AS3MT: variants seen among roughly 807,000 people sequenced by gnomAD.
AS3MT encodes arsenite methyltransferase.
Under a neutral mutation model 45.3 loss-of-function variants are expected in AS3MT, and 47 were observed. That is an observed-to-expected ratio of 1.04 (90% CI 0.82 to 1.32). The LOEUF (loss-of-function observed/expected upper bound fraction) is 1.32. Ranked by LOEUF, AS3MT falls within the 40% of genes most tolerant of loss-of-function variation. AS3MT has a pLI of 0.00. For synonymous variants in AS3MT, 141 were observed against 152.8 expected (o/e 0.92, Z 0.57); for missense variants, 396 against 451.1 (o/e 0.88, Z 1.11).
At chr10:102,897,655 G>A (rs906457593) in intron 10 of AS3MT, among the ~76,000 whole-genome samples, 6 of 151,974 alleles carry the variant, frequency 3.9e-5, no homozygotes, top group Admixed American at 2.0e-4. Flanking sequence ...TAATAGAGAC[G>A]GGGTTTCACC....
chr10:102,893,487 T>C (rs1204829223), intron 10 of AS3MT, among the ~76,000 whole-genome samples: 1 of 147,124 alleles, frequency 6.8e-6, no homozygotes, highest in Non-Finnish European at 1.5e-5. Context: ...CCTGGCTAAT[T>C]TTTTTTTCTT....
At chr10:102,895,383 T>C (rs1845147319) in intron 10 of AS3MT, among the ~76,000 whole-genome samples, 1 of 151,934 alleles carries the variant, frequency 6.6e-6, no homozygotes, top group Non-Finnish European at 1.5e-5. Context: ...GTATTTTTAG[T>C]AGAGGCGGGG....
In AS3MT at chr10:102,900,641, A is replaced by G. The variant is rs1347705188; in HGVS notation, c.1069A>G (p.Lys357Glu). 2 of 1,614,056 alleles carry G rather than the reference A, an allele frequency of 1.2e-6. No homozygotes were observed. The highest frequency in any genetic ancestry group is 1.7e-6 in the Non-Finnish European group (2 of 1,180,012). ...GCTTGCAGAAGAGTCTGACAGTATG[A>G]AGTCCAGATGTGTCCCTGATGCTGC... Reference protein sequence around the residue: ...FKLAEESDSMKSRCVPDAAGG... With the variant: ...FKLAEESDSMESRCVPDAAGG... Residue 357 changes from lysine to glutamate, a missense_variant, in exon 11 of 11, where the codon AAG (lysine) becomes GAG (glutamate). Coordinates refer to ENST00000369880, the MANE Select transcript of AS3MT (RefSeq NM_020682.4).
At chr10:102,893,672 T>C (rs907296613) in intron 10 of AS3MT, among the ~76,000 whole-genome samples, 7 of 152,100 alleles carry the variant, frequency 4.6e-5, no homozygotes, top group African/African-American at 1.7e-4. Flanking sequence ...ATTTTTATTT[T>C]ATTTTTTTAG....
chr10:102,891,970 A>AG (rs1299038617), intron 10 of AS3MT, among the ~76,000 whole-genome samples: 2 of 151,034 alleles, frequency 1.3e-5, no homozygotes, highest in Non-Finnish European at 3.0e-5. Context: ...AAAAAAAAAA[A>AG]AAAAGAAAGA....
chr10:102,879,901 T>C (rs1844847643), intron 9 of AS3MT, among the ~76,000 whole-genome samples: 1 of 151,970 alleles, frequency 6.6e-6, no homozygotes, highest in South Asian at 2.1e-4. Flanking sequence ...TGTGTATATA[T>C]ATATATATAT....
intron 10 of AS3MT, among the ~76,000 whole-genome samples, chr10:102,891,696 C>T (rs1043724707): frequency 6.6e-6 from 1 of 151,890 alleles, no homozygotes; most frequent in Non-Finnish European, 1.5e-5. Context: ...ACTCATAATC[C>T]CAGCACTTTG....
chr10:102,889,668 C>T (rs1033528447), intron 9 of AS3MT, among the ~76,000 whole-genome samples: 1 of 149,630 alleles, frequency 6.7e-6, no homozygotes, highest in African/African-American at 2.5e-5. Context: ...TCCTTCCCTT[C>T]CTCCCTCCAC....
intron 10 of AS3MT, among the ~76,000 whole-genome samples, chr10:102,891,948 C>CAAAA (rs57594880): frequency 1.0e-3 from 60 of 57,858 alleles, no homozygotes; most frequent in African/African-American, 3.0e-3. Flanking sequence ...GACTCTGTCT[C>CAAAA]AAAAAAAAAA....
At chr10:102,888,068 CT>C in intron 9 of AS3MT, 1 of 165,066 alleles carries the variant, frequency 6.1e-6, no homozygotes. Flanking sequence ...AGATTCCCAG[CT>C]TTTCCATTCA....
chr10:102,878,201 C>T (rs563907212), intron 7 of AS3MT, among the ~76,000 whole-genome samples, 178 bp from the exon 8 acceptor site: 19 of 152,300 alleles, frequency 1.2e-4, no homozygotes, highest in Non-Finnish European at 2.6e-4. Flanking sequence ...TCAGCTAGCA[C>T]ACCCAGTCTT....
intron 1 of AS3MT, 28 bp from the exon 2 acceptor site, chr10:102,869,777 T>C (rs1844645597): frequency 1.9e-6 from 3 of 1,614,090 alleles, no homozygotes; most frequent in Non-Finnish European, 2.5e-6. Context: ...CACCCTCTCC[T>C]TTCAACTAAC....
At chr10:102,876,371 C>T (rs1844785305) in intron 6 of AS3MT, among the ~76,000 whole-genome samples, 1 of 150,760 alleles carries the variant, frequency 6.6e-6, no homozygotes, top group South Asian at 2.1e-4. Context: ...TCACTGTACC[C>T]TCTAACTCCT....
At chr10:102,876,345 G>T (rs370078449) in intron 6 of AS3MT, among the ~76,000 whole-genome samples, 5 of 98,430 alleles carry the variant, frequency 5.1e-5, no homozygotes, top group Admixed American at 2.1e-4. Context: ...AGTTAGAGGG[G>T]TCCAGATAGT....
chr10:102,883,980 C>CT (rs35305641), intron 9 of AS3MT, among the ~76,000 whole-genome samples: 22,432 of 129,368 alleles, frequency 0.17, 2,392 homozygotes, highest in South Asian at 0.34. Context: ...TTCTTTATTT[C>CT]TTTTTTTTTT....
chr10:102,874,377 A>G (rs956590781), intron 5 of AS3MT, among the ~76,000 whole-genome samples: 55 of 152,238 alleles, frequency 3.6e-4, no homozygotes, highest in African/African-American at 1.2e-3. Flanking sequence ...TATTTTCTGC[A>G]CATTCAAACT....
chr10:102,871,310 G>T (rs1453524747), intron 3 of AS3MT, among the ~76,000 whole-genome samples: 1 of 151,944 alleles, frequency 6.6e-6, no homozygotes, highest in Non-Finnish European at 1.5e-5. Flanking sequence ...ACTTTGGGAG[G>T]CCGAGGCGGG....
At chr10:102,895,217 T>C (rs1845143353) in intron 10 of AS3MT, among the ~76,000 whole-genome samples, 1 of 151,802 alleles carries the variant, frequency 6.6e-6, no homozygotes, top group Non-Finnish European at 1.5e-5. Context: ...TTTTTTCCAT[T>C]GACAGAGTTT....
rs559139049 is a variant in AS3MT at position 102,889,614 on chromosome 10, G to GCCTGCCTGCCTTCCTTCCTT, written c.886-927_886-926insGCCTGCCTTCCTTCCTTCCT. On this transcript the variant is annotated intron_variant, in intron 9 of 10. Coordinates refer to ENST00000369880, the MANE Select transcript of AS3MT (RefSeq NM_020682.4). ...CTTCCCTTCCCCTGCCTGTCTGCCT[G>GCCTGCCTGCCTTCCTTCCTT]CCTTCCTTCCTTCCTTCCTTCCTTC... Among the ~76,000 whole-genome samples the GCCTGCCTGCCTTCCTTCCTT allele has an allele frequency of 9.1e-4, 104 of 114,034 alleles. 1 individual carries two copies. The highest frequency in any genetic ancestry group is 2.5e-3 in the African/African-American group (79 of 32,088). 74.8% of individuals were successfully genotyped at this position (114,034 alleles called of 152,430 possible). A position where few individuals can be genotyped will look rare whatever the true frequency, so the allele number is the denominator to read the frequency against.
Sources: gnomAD v4.1 joint callset for allele counts (sites outside exome capture counted in the v4.1 genomes callset) on GRCh38, gnomAD v4.1.1 for gene constraint, MANE v1.5 for transcripts, NCBI Gene and HGNC (gene_info 2026-07-23, HGNC 2026-07-21) for gene names.